The following NEGR1 variants were observed in gnomAD, a reference collection of about 807,000 sequenced individuals.
The protein encoded by NEGR1 is neuronal growth regulator 1.
NEGR1 carries 10 observed loss-of-function variants against 40.9 expected under a neutral mutation model. The observed-to-expected ratio is 0.24, with a 90% CI of 0.15 to 0.42. The LOEUF is 0.42. NEGR1 is among the 10% of genes least tolerant of loss of function. The pLI, the probability that NEGR1 is intolerant of heterozygous loss-of-function variation, is 1.00. For missense variants in NEGR1, 352 were observed against 438.9 expected (o/e 0.80, Z 1.77); for synonymous variants, 185 against 166.8 (o/e 1.11, Z -0.84).
intron 4 of NEGR1, among the ~76,000 whole-genome samples, chr1:71,665,789 A>G (rs1346686622): frequency 1.3e-5 from 2 of 152,166 alleles, no homozygotes; most frequent in African/African-American, 4.8e-5. Flanking sequence ...ATAAACATTC[A>G]CAATTAATTA....
chr1:71,653,015 T>G (rs949750179), intron 4 of NEGR1, among the ~76,000 whole-genome samples: 2 of 152,214 alleles, frequency 1.3e-5, no homozygotes, highest in African/African-American at 4.8e-5. Context: ...TTGACCTCCC[T>G]GCCCCCATTT....
intron 3 of NEGR1, among the ~76,000 whole-genome samples, chr1:71,766,778 G>T (rs573687155): frequency 1.1e-4 from 17 of 152,140 alleles, no homozygotes; most frequent in Admixed American, 1.1e-3. Flanking sequence ...ATCATGGGGG[G>T]AGTTTTCATA....
chr1:72,274,746 A>C (rs1280293825), intron 1 of NEGR1: 14 of 1,133,688 alleles, frequency 1.2e-5, no homozygotes, highest in Non-Finnish European at 1.9e-5. Flanking sequence ...CGGAAGGAGA[A>C]ATTGCTTGCT....
intron 2 of NEGR1, among the ~76,000 whole-genome samples, chr1:71,857,408 T>C (rs1378883877): frequency 1.3e-5 from 2 of 148,360 alleles, no homozygotes; most frequent in South Asian, 2.1e-4. Flanking sequence ...GCTCAGGAGT[T>C]TGAGACCAAC....
intron 2 of NEGR1, among the ~76,000 whole-genome samples, chr1:71,885,969 T>C (rs1341651584): frequency 4.6e-5 from 7 of 152,188 alleles, no homozygotes; most frequent in Non-Finnish European, 5.9e-5. Context: ...GAAGGTTTGG[T>C]TTAAAAGTGT....
intron 2 of NEGR1, among the ~76,000 whole-genome samples, chr1:71,865,640 T>C (rs961846567): frequency 2.6e-5 from 4 of 152,042 alleles, no homozygotes; most frequent in African/African-American, 9.7e-5. Context: ...TTAGGAGAAA[T>C]ACTTAATGTA....
At chr1:71,448,017 G>T (rs1226914319) in intron 6 of NEGR1, among the ~76,000 whole-genome samples, 1 of 152,192 alleles carries the variant, frequency 6.6e-6, no homozygotes, top group South Asian at 2.1e-4. Context: ...CTTTCACAGG[G>T]TTGAATGAAA....
At chr1:72,265,573 C>G (rs1427117740) in intron 1 of NEGR1, among the ~76,000 whole-genome samples, 1 of 150,370 alleles carries the variant, frequency 6.7e-6, no homozygotes, top group African/African-American at 2.4e-5. Context: ...TATTGAATTC[C>G]CCACTAAATG....
chr1:71,556,642 CACACACACACAT>C (rs1474433004), intron 6 of NEGR1, among the ~76,000 whole-genome samples: 5 of 151,216 alleles, frequency 3.3e-5, no homozygotes, highest in Non-Finnish European at 7.4e-5. Context: ...CACACACACA[CACACACACACAT>C]ACACACACAC....
intron 1 of NEGR1, among the ~76,000 whole-genome samples, chr1:72,060,966 T>C (rs976439130): frequency 4.0e-5 from 6 of 151,712 alleles, no homozygotes; most frequent in Non-Finnish European, 8.9e-5. Flanking sequence ...ATATTCGAAC[T>C]ACTCCAAAAC....
At chr1:72,049,984 T>G (rs1006048413) in intron 1 of NEGR1, among the ~76,000 whole-genome samples, 1 of 151,552 alleles carries the variant, frequency 6.6e-6, no homozygotes, top group Non-Finnish European at 1.5e-5. Context: ...CTTTTGTTGA[T>G]TTGTAGTTGA....
intron 1 of NEGR1, among the ~76,000 whole-genome samples, chr1:72,016,165 C>G (rs1249418341): frequency 6.6e-6 from 1 of 151,980 alleles, no homozygotes; most frequent in African/African-American, 2.4e-5. Flanking sequence ...ATAACCTAAA[C>G]TGACCAAAGG....
intron 3 of NEGR1, among the ~76,000 whole-genome samples, chr1:71,765,154 G>A (rs148717479): frequency 3.3e-5 from 5 of 152,220 alleles, no homozygotes; most frequent in African/African-American, 9.6e-5. Flanking sequence ...TGAAAACTGT[G>A]ACACCTGCAC....
chr1:72,016,684 T>C (rs936285924), intron 1 of NEGR1, among the ~76,000 whole-genome samples: 3 of 152,146 alleles, frequency 2.0e-5, no homozygotes, highest in Non-Finnish European at 2.9e-5. Flanking sequence ...TATGAAAACC[T>C]ACATTCCAAA....
chr1:71,620,089 C>T (rs546444120), intron 4 of NEGR1, among the ~76,000 whole-genome samples: 70 of 152,084 alleles, frequency 4.6e-4, no homozygotes, highest in Admixed American at 1.1e-3. Context: ...GAACACCACC[C>T]TATCCCCTTA....
At chr1:72,062,949 T>G (rs143189979) in intron 1 of NEGR1, among the ~76,000 whole-genome samples, 1 of 152,084 alleles carries the variant, frequency 6.6e-6, no homozygotes, top group African/African-American at 2.4e-5. Flanking sequence ...GTACATAAAT[T>G]GAGTGAATCT....
rs149808606 is a variant in NEGR1, at chr1:71,597,040, T to C, written c.789-4072A>G. 8.7e-3 allele frequency among the ~76,000 whole-genome samples: 1,328 copies of C among 152,244 alleles called. 7 individuals are homozygous for C. Among genetic ancestry groups the C allele is most frequent in the Middle Eastern group, 0.02 (6 of 294 alleles). On this transcript the variant is annotated intron_variant, in intron 5 of 6. Transcript: ENST00000357731. The stretch of plus-strand genomic sequence containing the variant: ...GTGGGGGAAGTTAACCCTTGAATCA[T>C]AAAAGTTTTATTTACAAAGACAAGG...
chr1:71,778,602 T>C (rs1656592103), intron 2 of NEGR1, among the ~76,000 whole-genome samples: 1 of 152,142 alleles, frequency 6.6e-6, no homozygotes, highest in South Asian at 2.1e-4. Flanking sequence ...ATTAAAAAAA[T>C]TATATAGTGC....
intron 3 of NEGR1, among the ~76,000 whole-genome samples, chr1:71,702,197 T>C (rs920961595): frequency 6.6e-6 from 1 of 152,130 alleles, no homozygotes; most frequent in Non-Finnish European, 1.5e-5. Context: ...CCTTCTTACC[T>C]ACCTTCTTTT....
Sources: gnomAD v4.1 joint callset for allele counts (sites outside exome capture counted in the v4.1 genomes callset) on GRCh38, gnomAD v4.1.1 for gene constraint, MANE v1.5 for transcripts, NCBI Gene and HGNC (gene_info 2026-07-23, HGNC 2026-07-21) for gene names.